The following ACOT13 variants were observed in gnomAD, a reference collection of about 807,000 sequenced individuals.
ACOT13 encodes acyl-CoA thioesterase 13.
ACOT13 carries 10 observed loss-of-function variants against 11.8 expected under a neutral mutation model. The observed-to-expected ratio is 0.85, with a 90% CI of 0.53 to 1.44. ACOT13 has a LOEUF of 1.44. ACOT13 is among the 40% of genes most tolerant of loss of function. ACOT13 has a pLI of 0.00. For missense variants in ACOT13, 172 were observed against 174.1 expected, an observed-to-expected ratio of 0.99 and a Z score of 0.07; for synonymous variants, 53 against 61.0, an observed-to-expected ratio of 0.87 and a Z score of 0.61.
intron 1 of ACOT13, among the ~76,000 whole-genome samples, chr6:24,668,005 A>C (rs1378836579): frequency 1.3e-5 from 2 of 152,098 alleles, no homozygotes; most frequent in African/African-American, 4.8e-5. Context: ...CCCTGGTTCA[A>C]ACAATTCTCC....
intron 1 of ACOT13, among the ~76,000 whole-genome samples, chr6:24,697,524 C>A (rs1432269356): frequency 6.6e-6 from 1 of 152,066 alleles, no homozygotes; most frequent in East Asian, 1.9e-4. Context: ...TAGGAAACAA[C>A]AAATCAAACC....
At chr6:24,669,234 G>A (rs1005610806) in intron 1 of ACOT13, among the ~76,000 whole-genome samples, 2 of 152,194 alleles carry the variant, frequency 1.3e-5, no homozygotes, top group African/African-American at 4.8e-5. Context: ...GGTTTTATGC[G>A]TTTTAGGGAC....
rs1225983901 is a variant in ACOT13, at chr6:24,669,550, CT to C, written c.81+2214del. On this transcript the variant is annotated intron_variant, in intron 1 of 2. Coordinates refer to ENST00000230048, the MANE Select transcript of ACOT13 (RefSeq NM_018473.4). ...TTTTCCTTTACATTTGCCCCCTTTT[CT>C]TTTTTTTAAAAAAAATTTTTTTTTG... is the stretch of plus-strand genomic sequence containing the variant. 4.0e-3 allele frequency among the ~76,000 whole-genome samples: 611 copies of C among 151,720 alleles called. 4 individuals are homozygous for C. The highest frequency in any genetic ancestry group is 0.014 in the African/African-American group (559 of 41,354).
intron 1 of ACOT13, among the ~76,000 whole-genome samples, chr6:24,669,865 T>G (rs1181788250): frequency 2.0e-5 from 3 of 152,224 alleles, no homozygotes; most frequent in Non-Finnish European, 4.4e-5. Flanking sequence ...GTTGCTGTTA[T>G]TTTCTTCTGA....
intron 1 of ACOT13, among the ~76,000 whole-genome samples, chr6:24,674,401 G>GTTTT (rs1562155594): frequency 8.7e-6 from 1 of 114,616 alleles, no homozygotes; most frequent in Non-Finnish European, 2.1e-5. Flanking sequence ...GTTTTTGGGG[G>GTTTT]GTTTTGTTTG....
chr6:24,697,675 C>T (rs186747457), intron 1 of ACOT13, among the ~76,000 whole-genome samples: 254 of 152,230 alleles, frequency 1.7e-3, no homozygotes, highest in Non-Finnish European at 3.0e-3. Context: ...TGAAGATCAG[C>T]AAAAACTACT....
At chr6:24,688,703 G>A (rs959571415) in intron 1 of ACOT13, among the ~76,000 whole-genome samples, 2 of 152,158 alleles carry the variant, frequency 1.3e-5, no homozygotes. Flanking sequence ...ATTAAATGAT[G>A]TGCACCTTAA....
At chr6:24,670,425 ATCAGAAAC>A (rs1778341585) in intron 1 of ACOT13, among the ~76,000 whole-genome samples, 2 of 152,198 alleles carry the variant, frequency 1.3e-5, no homozygotes, top group African/African-American at 4.8e-5. Flanking sequence ...CTTAGCACAT[ATCAGAAAC>A]CCTGTACAGG....
chr6:24,667,110 C>G lies in ACOT13; in HGVS notation c.-154C>G. 1 of 871,980 alleles carries G rather than the reference C, an allele frequency of 1.1e-6. No individual in the cohort carries two copies. The highest frequency in any genetic ancestry group is 1.7e-6 in the Non-Finnish European group (1 of 575,342). 54.0% of individuals were successfully genotyped at this position (871,980 alleles called of 1,614,324 possible). Reference sequence around the variant, plus strand: ...AATCGCGGACCACCGGGGCTGCCAGCTCGCCTGACTCCCGGCCTCTTGCGC... The same window carrying G: ...AATCGCGGACCACCGGGGCTGCCAGGTCGCCTGACTCCCGGCCTCTTGCGC... On this transcript the variant is annotated 5_prime_UTR_variant, in exon 1 of 3. Transcript: ENST00000230048.
At position 24,704,642 on chromosome 6, in the gene ACOT13, T is replaced by C. The variant is rs1293723947; in HGVS notation, c.*3027T>C. On this transcript the variant is annotated 3_prime_UTR_variant, in exon 3 of 3. Coordinates refer to ENST00000230048, the MANE Select transcript of ACOT13 (RefSeq NM_018473.4). ...GAGGACACATGAAAGCATTTTGAAA[T>C]TTAAGAATGGCCCTTTCCCATGAAG... 1.3e-5 allele frequency: 2 copies of C among 152,250 alleles called. No homozygotes were observed. The highest frequency in any genetic ancestry group is 2.4e-5 in the African/African-American group (1 of 41,470). The allele number at this position is 152,250 out of a possible 1,614,324, so 9.4% of individuals were successfully genotyped here.
rs986317282 is a variant in ACOT13 at position 24,694,761 on chromosome 6, T to C, written c.82-3122T>C. 4.0e-4 allele frequency among the ~76,000 whole-genome samples: 61 copies of C among 152,284 alleles called. 1 individual carries two copies. Among genetic ancestry groups the C allele is most frequent in the African/African-American group, 1.3e-3 (55 of 41,562 alleles). ...CTTATTTGACCTGAGGAGACAAGAA[T>C]TGAGAACATATAAAGGCATTTATAT... On this transcript the variant is annotated intron_variant, in intron 1 of 2. Coordinates refer to ENST00000230048, the MANE Select transcript of ACOT13 (RefSeq NM_018473.4).
At chr6:24,688,539 CAA>C (rs34225480) in intron 1 of ACOT13, among the ~76,000 whole-genome samples, 21 of 82,264 alleles carry the variant, frequency 2.6e-4, no homozygotes, top group Non-Finnish European at 2.7e-4. Context: ...GACCCTGTCT[CAA>C]AAAAAAAAAA....
chr6:24,669,941 A>G (rs1386475988), intron 1 of ACOT13, among the ~76,000 whole-genome samples: 1 of 152,186 alleles, frequency 6.6e-6, no homozygotes, highest in Non-Finnish European at 1.5e-5. Context: ...AGTGACTCCT[A>G]ATTAGGAAAA....
At chr6:24,696,825 G>A (rs949543353) in intron 1 of ACOT13, among the ~76,000 whole-genome samples, 4 of 151,904 alleles carry the variant, frequency 2.6e-5, no homozygotes, top group African/African-American at 9.7e-5. Flanking sequence ...ATCCAGGCTG[G>A]AGTGTAATGG....
At chr6:24,693,046 A>G (rs562623995) in intron 1 of ACOT13, among the ~76,000 whole-genome samples, 4 of 152,116 alleles carry the variant, frequency 2.6e-5, no homozygotes, top group African/African-American at 9.6e-5. Flanking sequence ...CTGTCTTTTT[A>G]CCTCCTTTCC....
chr6:24,670,048 A>G (rs1038644021), intron 1 of ACOT13, among the ~76,000 whole-genome samples: 1 of 152,222 alleles, frequency 6.6e-6, no homozygotes, highest in Non-Finnish European at 1.5e-5. Context: ...AATAATAAAA[A>G]TTGAAAAAAT....
intron 1 of ACOT13, among the ~76,000 whole-genome samples, chr6:24,692,029 A>G (rs568588080): frequency 1.3e-5 from 2 of 152,156 alleles, no homozygotes; most frequent in Non-Finnish European, 2.9e-5. Flanking sequence ...AAATAGGGAG[A>G]TAAATTGGAA....
At chr6:24,683,906 G>A (rs1301753337) in intron 1 of ACOT13, among the ~76,000 whole-genome samples, 2 of 150,426 alleles carry the variant, frequency 1.3e-5, no homozygotes, top group East Asian at 2.0e-4. Flanking sequence ...TGGGGCCCAA[G>A]ATATTTTCTT....
At position 24,701,493 on chromosome 6, in the gene ACOT13, GTGATTACAGCACATGT is replaced by G; in HGVS notation, c.303_318del (p.Ile102Ter). ...ACCTGCAAAATTAGGAGAAGATATAGTGATTACAGCACATGTTCTGAAGCAAGGAAAAACACTTGCA... is the reference window on the plus strand; with the variant it reads ...ACCTGCAAAATTAGGAGAAGATATAGTCTGAAGCAAGGAAAAACACTTGCA... On this transcript the variant is annotated frameshift_variant, in exon 3 of 3. Transcript: ENST00000230048. LOFTEE classifies it high-confidence loss of function. The G allele has an allele frequency of 6.2e-7, 1 of 1,612,944 alleles. No individual in the cohort carries two copies. The highest frequency in any genetic ancestry group is 8.5e-7 in the Non-Finnish European group (1 of 1,179,382).
Sources: allele counts gnomAD v4.1 joint callset (sites outside exome capture counted in the v4.1 genomes callset), GRCh38; gene constraint gnomAD v4.1.1; transcripts MANE v1.5; gene names NCBI Gene and HGNC (gene_info 2026-07-23, HGNC 2026-07-21).